The following NTNG1 variants were observed in gnomAD, a reference collection of about 807,000 sequenced individuals.
The protein encoded by NTNG1 is netrin G1, also known as netrin-G1.
A neutral mutation model predicts 54.0 loss-of-function variants in NTNG1; 16 were observed. The ratio of observed to expected loss-of-function variants is 0.30; its 90% CI spans 0.20 to 0.45. NTNG1 has a LOEUF of 0.45. Ranked by LOEUF, NTNG1 falls within the 20% of genes least tolerant of loss-of-function variation. The pLI, the probability that NTNG1 is intolerant of heterozygous loss-of-function variation, is 1.00. For missense variants in NTNG1, 530 were observed against 678.7 expected, an observed-to-expected ratio of 0.78 and a Z score of 2.43; for synonymous variants, 255 against 263.1, an observed-to-expected ratio of 0.97 and a Z score of 0.30.
At chr1:107,313,447 A>G (rs570107462) in intron 2 of NTNG1, among the ~76,000 whole-genome samples, 2 of 152,296 alleles carry the variant, frequency 1.3e-5, no homozygotes, top group Admixed American at 6.5e-5. Context: ...AAGTACTTGA[A>G]TAGATGGATC....
chr1:107,220,709 G>A (rs1036313632), intron 2 of NTNG1, among the ~76,000 whole-genome samples: 1 of 152,190 alleles, frequency 6.6e-6, no homozygotes, highest in African/African-American at 2.4e-5. Flanking sequence ...AAAGGAATTA[G>A]AACAGTGTTT....
At chr1:107,325,113 T>C (rs1226063653) in intron 3 of NTNG1, among the ~76,000 whole-genome samples, 191 bp downstream of exon 3, 1 of 152,090 alleles carries the variant, frequency 6.6e-6, no homozygotes, top group Non-Finnish European at 1.5e-5. Context: ...ATCCCAAACT[T>C]GCTGTCCCTG....
chr1:107,254,183 A>T lies in NTNG1; in HGVS notation c.247-70099A>T, dbSNP rs1306427961. On this transcript the variant is annotated intron_variant, in intron 2 of 7. Coordinates refer to ENST00000370068, the MANE Select transcript of NTNG1 (RefSeq NM_001113226.3). Reference sequence around the variant, plus strand: ...CAACTGAGGAAAATGTGTTCTTTAAATAAACACCTACAGTGGTGGCTAGAG... The same window carrying T: ...CAACTGAGGAAAATGTGTTCTTTAATTAAACACCTACAGTGGTGGCTAGAG... 6.6e-5 allele frequency among the ~76,000 whole-genome samples: 10 copies of T among 152,350 alleles called. No individual in the cohort carries two copies. In the South Asian group the frequency reaches 2.1e-3, roughly 32 times the overall value.
chr1:107,360,884 A>G (rs780571613), intron 3 of NTNG1, among the ~76,000 whole-genome samples: 13 of 152,010 alleles, frequency 8.6e-5, no homozygotes, highest in African/African-American at 1.2e-4. Flanking sequence ...TACATGTTAC[A>G]TATTTCTTCC....
intron 3 of NTNG1, among the ~76,000 whole-genome samples, chr1:107,377,982 C>G (rs1421220891): frequency 2.6e-5 from 4 of 152,246 alleles, no homozygotes; most frequent in Non-Finnish European, 5.9e-5. Context: ...CTTTGCCACA[C>G]AGATCTAATC....
intron 3 of NTNG1, among the ~76,000 whole-genome samples, chr1:107,352,077 C>G (rs935025480): frequency 6.6e-6 from 1 of 152,242 alleles, no homozygotes; most frequent in African/African-American, 2.4e-5. Context: ...TGTGGCTTTG[C>G]AGGGTTCAGC....
At chr1:107,191,711 C>A (rs1657944688) in intron 2 of NTNG1, among the ~76,000 whole-genome samples, 1 of 150,908 alleles carries the variant, frequency 6.6e-6, no homozygotes, top group Non-Finnish European at 1.5e-5. Context: ...TTGTTTTTCT[C>A]AGGTTTGTCA....
rs1674422704 is a variant in NTNG1 at position 107,419,217 on chromosome 1, C to T, written c.1087+11509C>T. Among the ~76,000 whole-genome samples the T allele has an allele frequency of 3.4e-5, 5 of 147,914 alleles. No individual in the cohort carries two copies. In the Admixed American group the frequency reaches 3.5e-4, roughly 10 times the overall value. On this transcript the variant is annotated intron_variant, in intron 5 of 7. Transcript: ENST00000370068. ...TTCTCACTCCCTGTCTCCTCTCTCC[C>T]TCTCCCCGCTACCTCCTCCCTCCTC...
Position 107,324,510 on chromosome 1 carries a change from C to A in NTNG1, c.475C>A (p.Gln159Lys). 6.2e-7 allele frequency: 1 copy of A among 1,613,728 alleles called. No individual in the cohort carries two copies. Among genetic ancestry groups the A allele is most frequent in the Non-Finnish European group, 8.5e-7 (1 of 1,179,836 alleles). Reference sequence around the variant, plus strand: ...TACCTTTGAATCTGGGCGTCCAGACCAAATGATCCTGGAGAAGTCTCTCGA... The same window carrying A: ...TACCTTTGAATCTGGGCGTCCAGACAAAATGATCCTGGAGAAGTCTCTCGA... Reference protein sequence around the residue: ...VITFESGRPDQMILEKSLDYG... With the variant: ...VITFESGRPDKMILEKSLDYG... Residue 159 changes from glutamine to lysine, a missense_variant, in exon 3 of 8, where the codon CAA becomes AAA. Transcript: ENST00000370068.
chr1:107,430,127 T>C (rs1675165205), intron 5 of NTNG1, among the ~76,000 whole-genome samples: 1 of 152,166 alleles, frequency 6.6e-6, no homozygotes, highest in Non-Finnish European at 1.5e-5. Context: ...CTCACACATA[T>C]ACATACAGAT....
intron 7 of NTNG1, among the ~76,000 whole-genome samples, chr1:107,464,369 C>T (rs534660567): frequency 1.3e-5 from 2 of 152,244 alleles, no homozygotes; most frequent in African/African-American, 4.8e-5. Context: ...TGAAACAGAT[C>T]CTGATAGGCT....
At chr1:107,377,542 C>G (rs1671370176) in intron 3 of NTNG1, among the ~76,000 whole-genome samples, 1 of 152,196 alleles carries the variant, frequency 6.6e-6, no homozygotes, top group Non-Finnish European at 1.5e-5. Flanking sequence ...ATAACTTCAC[C>G]TTTGAGACAG....
At chr1:107,470,171 A>T (rs1031629048) in intron 7 of NTNG1, among the ~76,000 whole-genome samples, 9 of 152,334 alleles carry the variant, frequency 5.9e-5, no homozygotes, top group Admixed American at 2.6e-4. Context: ...CTTTTCTGAG[A>T]TAATTGGTAG....
intron 2 of NTNG1, among the ~76,000 whole-genome samples, chr1:107,210,457 G>C (rs974296009): frequency 6.6e-6 from 1 of 152,188 alleles, no homozygotes; most frequent in Non-Finnish European, 1.5e-5. Context: ...ACTCGAGGAT[G>C]AAGGAGCCGT....
At chr1:107,342,345 G>C (rs1035664757) in intron 3 of NTNG1, among the ~76,000 whole-genome samples, 1 of 152,030 alleles carries the variant, frequency 6.6e-6, no homozygotes, top group African/African-American at 2.4e-5. Flanking sequence ...ATAATCATAA[G>C]AGGAATGCCA....
intron 2 of NTNG1, among the ~76,000 whole-genome samples, chr1:107,229,579 A>G (rs933136590): frequency 2.1e-4 from 32 of 151,994 alleles, no homozygotes; most frequent in African/African-American, 6.3e-4. Flanking sequence ...AAGAGAAGCA[A>G]TTGGAAAAAT....
intron 2 of NTNG1, among the ~76,000 whole-genome samples, chr1:107,318,396 T>C (rs1296076965): frequency 2.0e-5 from 3 of 152,058 alleles, no homozygotes; most frequent in African/African-American, 7.2e-5. Context: ...GTAGTGTTGC[T>C]GGCAATTTGG....
intron 2 of NTNG1, among the ~76,000 whole-genome samples, chr1:107,210,641 G>T (rs1209324625): frequency 6.6e-6 from 1 of 152,174 alleles, no homozygotes; most frequent in Non-Finnish European, 1.5e-5. Context: ...ATTGTTGAGG[G>T]AGGATAAGTT....
chr1:107,236,713 T>G (rs1370798788), intron 2 of NTNG1, among the ~76,000 whole-genome samples: 1 of 152,046 alleles, frequency 6.6e-6, no homozygotes, highest in Non-Finnish European at 1.5e-5. Flanking sequence ...AGTGAATGAG[T>G]CTCATGAGAT....
Sources: gnomAD v4.1 joint callset for allele counts (sites outside exome capture counted in the v4.1 genomes callset) on GRCh38, gnomAD v4.1.1 for gene constraint, MANE v1.5 for transcripts, NCBI Gene and HGNC (gene_info 2026-07-23, HGNC 2026-07-21) for gene names.